The following PGCKA1 variants were observed in gnomAD, a reference collection of about 807,000 sequenced individuals.
The protein encoded by PGCKA1 is PDCD10 and GCKIII kinases associated 1.
chr4:37,554,619 A>T, the PGCKA1 span, among the ~76,000 whole-genome samples: 2 of 152,216 alleles, frequency 1.3e-5, no homozygotes, highest in East Asian at 3.9e-4. Flanking sequence ...AAGTGCTGGG[A>T]TTACAGGTGT....
At chr4:37,548,026 G>GA in the PGCKA1 span, among the ~76,000 whole-genome samples, 1 of 151,220 alleles carries the variant, frequency 6.6e-6, no homozygotes, top group East Asian at 1.9e-4. Context: ...AAAAAAAGGG[G>GA]GGGAGGCAGA....
chr4:37,586,403 G>T, the PGCKA1 span, among the ~76,000 whole-genome samples: 2 of 152,162 alleles, frequency 1.3e-5, no homozygotes, highest in Admixed American at 1.3e-4. Flanking sequence ...TGTCCTAAGT[G>T]CTGAGAATTA....
At chr4:37,556,799 G>A in the PGCKA1 span, among the ~76,000 whole-genome samples, 14 of 152,124 alleles carry the variant, frequency 9.2e-5, no homozygotes, top group African/African-American at 3.1e-4. Flanking sequence ...TGCAGGCATG[G>A]ACTTGTGTTT....
the PGCKA1 span, among the ~76,000 whole-genome samples, chr4:37,489,573 A>G: frequency 2.0e-5 from 3 of 152,190 alleles, no homozygotes; most frequent in African/African-American, 7.2e-5. Flanking sequence ...AAAATTAGAA[A>G]AATAAGGTTA....
chr4:37,512,070 C>T, the PGCKA1 span, among the ~76,000 whole-genome samples: 1 of 152,210 alleles, frequency 6.6e-6, no homozygotes, highest in Non-Finnish European at 1.5e-5. Context: ...TTCAAGTGCA[C>T]AGATTCTTGG....
chr4:37,537,688 G>C, the PGCKA1 span, among the ~76,000 whole-genome samples: 1 of 152,134 alleles, frequency 6.6e-6, no homozygotes, highest in African/African-American at 2.4e-5. Flanking sequence ...TCAACTTCCT[G>C]TGTCTCACAT....
chr4:37,523,676 A>G, the PGCKA1 span, among the ~76,000 whole-genome samples: 2 of 152,120 alleles, frequency 1.3e-5, no homozygotes, highest in South Asian at 4.2e-4. Context: ...TTATATACAC[A>G]TGTACATAAC....
the PGCKA1 span, among the ~76,000 whole-genome samples, chr4:37,507,642 AGTT>A: frequency 6.6e-6 from 1 of 152,110 alleles, no homozygotes; most frequent in Non-Finnish European, 1.5e-5. Context: ...TGGCTTGAAT[AGTT>A]GTTGTAGTTA....
the PGCKA1 span, among the ~76,000 whole-genome samples, chr4:37,556,796 A>G: frequency 6.6e-6 from 1 of 152,204 alleles, no homozygotes; most frequent in Non-Finnish European, 1.5e-5. Flanking sequence ...CCCTGCAGGC[A>G]TGGACTTGTG....
chr4:37,465,392 A>G, the PGCKA1 span, among the ~76,000 whole-genome samples: 2 of 152,104 alleles, frequency 1.3e-5, no homozygotes, highest in Non-Finnish European at 2.9e-5. Context: ...TGATGCAATA[A>G]CCATACTGGT....
chr4:37,576,949 A>G, the PGCKA1 span, among the ~76,000 whole-genome samples: 2 of 152,048 alleles, frequency 1.3e-5, no homozygotes, highest in Non-Finnish European at 2.9e-5. Flanking sequence ...GTCATAATGA[A>G]TGATCTTTTT....
chr4:37,524,617 G>T, the PGCKA1 span, among the ~76,000 whole-genome samples: 4,161 of 152,284 alleles, frequency 0.027, 151 homozygotes, highest in African/African-American at 0.088. Context: ...ATGGGAAGGG[G>T]ATTATACAGG....
At chr4:37,484,514 A>T in the PGCKA1 span, among the ~76,000 whole-genome samples, 1 of 152,102 alleles carries the variant, frequency 6.6e-6, no homozygotes, top group Non-Finnish European at 1.5e-5. Context: ...TATCAAGGAG[A>T]TAGGGCCTTT....
At chr4:37,579,830 A>G in the PGCKA1 span, among the ~76,000 whole-genome samples, 2,599 of 152,012 alleles carry the variant, frequency 0.017, 23 homozygotes, top group African/African-American at 0.036. Flanking sequence ...TAGGTTTGGG[A>G]AGTTCTCTGT....
chr4:37,571,773 G>A, the PGCKA1 span, among the ~76,000 whole-genome samples: 2 of 151,786 alleles, frequency 1.3e-5, no homozygotes, highest in Admixed American at 6.6e-5. Context: ...TCCTGACCTC[G>A]TGATCTGCCC....
At chr4:37,562,325 A>T in the PGCKA1 span, among the ~76,000 whole-genome samples, 2 of 152,172 alleles carry the variant, frequency 1.3e-5, no homozygotes, top group Non-Finnish European at 2.9e-5. Context: ...ATAAGAAGGA[A>T]TATGTACATT....
the PGCKA1 span, among the ~76,000 whole-genome samples, chr4:37,549,615 C>G: frequency 1.3e-5 from 2 of 152,210 alleles, no homozygotes; most frequent in South Asian, 4.1e-4. Flanking sequence ...GATACCAAAG[C>G]TTGCTCTGTG....
At chr4:37,516,672 A>G in the PGCKA1 span, among the ~76,000 whole-genome samples, 1 of 152,228 alleles carries the variant, frequency 6.6e-6, no homozygotes, top group Admixed American at 6.5e-5. Flanking sequence ...CCAGAAACAC[A>G]TGAATACTCT....
the PGCKA1 span, among the ~76,000 whole-genome samples, chr4:37,481,612 G>A: frequency 6.6e-6 from 1 of 151,752 alleles, no homozygotes; most frequent in South Asian, 2.1e-4. Context: ...CTCATACTGT[G>A]TGTTGTCTGC....
Sources: gnomAD v4.1 joint callset for allele counts (sites outside exome capture counted in the v4.1 genomes callset) on GRCh38, gnomAD v4.1.1 for gene constraint, MANE v1.5 for transcripts, NCBI Gene and HGNC (gene_info 2026-07-23, HGNC 2026-07-21) for gene names.